The following IL1RAPL2 variants were observed in gnomAD, a reference collection of about 807,000 sequenced individuals.
IL1RAPL2 encodes the protein X-linked interleukin-1 receptor accessory protein-like 2.
IL1RAPL2 carries 3 observed loss-of-function variants against 44.1 expected under a neutral mutation model. The ratio of observed to expected loss-of-function variants is 0.07; its 90% CI spans 0.03 to 0.18. IL1RAPL2 has a LOEUF of 0.18. IL1RAPL2 is among the 10% of genes least tolerant of loss of function. IL1RAPL2 has a pLI of 1.00. For synonymous variants in IL1RAPL2, 181 were observed against 178.8 expected, an observed-to-expected ratio of 1.01 and a Z score of -0.10; for missense variants, 391 against 496.4, an observed-to-expected ratio of 0.79 and a Z score of 2.02.
chrX:105,430,317 T>C (rs1266364233), intron 5 of IL1RAPL2, among the ~76,000 whole-genome samples: 1 of 111,610 alleles, frequency 9.0e-6, no homozygotes, highest in Non-Finnish European at 1.9e-5. Context: ...TCTGAGTGCC[T>C]ATATGGCCAC....
In IL1RAPL2 at chrX:105,484,306, C is replaced by A. The variant is rs753909518; in HGVS notation, c.698-7C>A. The A allele has an allele frequency of 1.7e-4, 195 of 1,180,349 alleles. 1 individual carries two copies. In the South Asian group the frequency reaches 3.4e-3, roughly 20 times the overall value. On this transcript the variant is annotated splice_polypyrimidine_tract_variant and splice_region_variant and intron_variant, in intron 5 of 10. Transcript: ENST00000372582. ...TTTCCATTACTTTCTTTCATTTTCT[C>A]TTCTAGCTTTACTCACAGACAAGCC...
chrX:105,512,759 A>T (rs144518965), intron 6 of IL1RAPL2, among the ~76,000 whole-genome samples: 310 of 111,477 alleles, frequency 2.8e-3, no homozygotes, highest in Non-Finnish European at 4.1e-3. Context: ...TATAGTCAAA[A>T]GAACCAGATG....
intron 2 of IL1RAPL2, among the ~76,000 whole-genome samples, chrX:105,021,484 G>A (rs922801700): frequency 1.8e-5 from 2 of 111,053 alleles, no homozygotes; most frequent in Admixed American, 9.6e-5. Flanking sequence ...AGACCGCTCT[G>A]CTGTTTGCCT....
intron 2 of IL1RAPL2, among the ~76,000 whole-genome samples, chrX:105,032,798 G>A (rs6616560): frequency 3.4e-4 from 38 of 110,684 alleles, no homozygotes; most frequent in African/African-American, 1.2e-3. Flanking sequence ...TTTCTGTCTC[G>A]TTGATCTGTC....
At chrX:104,670,464 G>A (rs1055289987) in intron 2 of IL1RAPL2, among the ~76,000 whole-genome samples, 3 of 111,473 alleles carry the variant, frequency 2.7e-5, no homozygotes, top group African/African-American at 9.8e-5. Context: ...TGACTCAAAT[G>A]TTATCTCCTC....
At chrX:104,765,361 C>T (rs1932537420) in intron 2 of IL1RAPL2, among the ~76,000 whole-genome samples, 1 of 111,517 alleles carries the variant, frequency 9.0e-6, no homozygotes, top group Non-Finnish European at 1.9e-5. Context: ...ACGTTTGAAT[C>T]TTCTATATTG....
At chrX:105,670,889 GT>G (rs2037818679) in intron 6 of IL1RAPL2, among the ~76,000 whole-genome samples, 1 of 106,645 alleles carries the variant, frequency 9.4e-6, no homozygotes, top group African/African-American at 3.4e-5. Flanking sequence ...GTGTGTGTGC[GT>G]GTATATATAT....
intron 2 of IL1RAPL2, among the ~76,000 whole-genome samples, chrX:105,075,495 C>T (rs183008467): frequency 9.0e-6 from 1 of 110,932 alleles, no homozygotes; most frequent in Non-Finnish European, 1.9e-5. Flanking sequence ...ATATTGGTCT[C>T]AAATTCTCTT....
chrX:105,393,219 T>C (rs776531222), intron 5 of IL1RAPL2, among the ~76,000 whole-genome samples: 148 of 109,893 alleles, frequency 1.3e-3, no homozygotes, highest in African/African-American at 4.5e-3. Flanking sequence ...AATGCAATCA[T>C]AGGAGTGTGG....
intron 2 of IL1RAPL2, among the ~76,000 whole-genome samples, chrX:104,916,477 A>G (rs1258406923): frequency 3.6e-5 from 4 of 111,448 alleles, no homozygotes; most frequent in South Asian, 3.8e-4. Flanking sequence ...GGCTGAGACG[A>G]TGGGGTTTTC....
At chrX:105,632,163 C>T (rs910138297) in intron 6 of IL1RAPL2, among the ~76,000 whole-genome samples, 3 of 111,124 alleles carry the variant, frequency 2.7e-5, no homozygotes, top group African/African-American at 9.8e-5. Flanking sequence ...CCCTGACCTT[C>T]AGGATGGTCC....
intron 1 of IL1RAPL2, among the ~76,000 whole-genome samples, chrX:104,637,656 T>C (rs1929843185): frequency 9.0e-6 from 1 of 111,426 alleles, no homozygotes; most frequent in African/African-American, 3.3e-5. Flanking sequence ...AACCCTGGAA[T>C]AAATCTCACT....
chrX:105,204,817 C>G (rs782428107), intron 3 of IL1RAPL2, among the ~76,000 whole-genome samples: 2 of 111,657 alleles, frequency 1.8e-5, no homozygotes, highest in Non-Finnish European at 3.8e-5. Flanking sequence ...TTTGCAAACT[C>G]TGAACTATTG....
chrX:104,739,461 G>A (rs750866472), intron 2 of IL1RAPL2, among the ~76,000 whole-genome samples: 3 of 111,945 alleles, frequency 2.7e-5, no homozygotes, highest in Non-Finnish European at 5.6e-5. Flanking sequence ...TAATAACTGC[G>A]TAAGGAGTGT....
intron 1 of IL1RAPL2, among the ~76,000 whole-genome samples, chrX:104,613,501 T>A (rs1261572605): frequency 2.7e-5 from 3 of 112,124 alleles, no homozygotes; most frequent in Non-Finnish European, 5.6e-5. Flanking sequence ...CAACCTTCCA[T>A]CCCAGGAATG....
chrX:104,714,852 CT>C (rs1931527142), intron 2 of IL1RAPL2, among the ~76,000 whole-genome samples: 2 of 111,052 alleles, frequency 1.8e-5, no homozygotes, highest in African/African-American at 6.5e-5. Context: ...AGTGAATAAG[CT>C]TTTTGATGTG....
At chrX:105,060,797 T>C (rs2032065728) in intron 2 of IL1RAPL2, among the ~76,000 whole-genome samples, 1 of 109,948 alleles carries the variant, frequency 9.1e-6, no homozygotes, top group African/African-American at 3.3e-5. Context: ...TGTCTAGAAA[T>C]GTCTCATTTT....
intron 3 of IL1RAPL2, among the ~76,000 whole-genome samples, chrX:105,209,368 C>A (rs5916730): frequency 0.5 from 55,045 of 110,908 alleles, 11,776 homozygotes; most frequent in East Asian, 0.76. Context: ...AAAAAGAGGT[C>A]AATGAAGGCT....
At chrX:105,088,696 T>C (rs1180662649) in intron 2 of IL1RAPL2, among the ~76,000 whole-genome samples, 1 of 111,770 alleles carries the variant, frequency 8.9e-6, no homozygotes, top group African/African-American at 3.2e-5. Context: ...ACACCATAAC[T>C]AAATGTGTAT....
Sources: gnomAD v4.1 joint callset for allele counts (sites outside exome capture counted in the v4.1 genomes callset) on GRCh38, gnomAD v4.1.1 for gene constraint, MANE v1.5 for transcripts, NCBI Gene and HGNC (gene_info 2026-07-23, HGNC 2026-07-21) for gene names.